MEGF8: variants seen among roughly 807,000 people sequenced by gnomAD.
The protein encoded by MEGF8 is multiple EGF like domains 8, also known as multiple epidermal growth factor-like domains protein 8.
A neutral mutation model predicts 302.9 loss-of-function variants in MEGF8; 156 were observed. That is an observed-to-expected ratio of 0.52 (90% CI 0.45 to 0.59). The LOEUF (loss-of-function observed/expected upper bound fraction) is 0.59, where lower values mean the gene tolerates loss of function less well. Among genes scored for constraint, MEGF8 ranks in the 20% least tolerant of loss-of-function variants. The probability of loss-of-function intolerance (pLI) is 0.00; values close to 1 mark genes in which losing one functional copy is unlikely to be tolerated. For synonymous variants in MEGF8, 1,621 were observed against 1,660.5 expected (o/e 0.98, Z 0.58); for missense variants, 3,345 against 3,964.5 (o/e 0.84, Z 4.20).
Position 42,363,032 on chromosome 19 carries a change from C to T in MEGF8, c.6059-16C>T, listed in dbSNP as rs760323076. The T allele has an allele frequency of 3.1e-5, 49 of 1,606,048 alleles. No individual in the cohort carries two copies. The Middle Eastern group carries it at 1.0e-3, about 34-fold the overall frequency. Reference sequence around the variant, plus strand: ...CTCCTGGGTCTGAGGTTCTAATCCCCGTGCCCCACCCCCAGGGGAGACCCG... The same window carrying T: ...CTCCTGGGTCTGAGGTTCTAATCCCTGTGCCCCACCCCCAGGGGAGACCCG... On this transcript the variant is annotated splice_polypyrimidine_tract_variant and intron_variant, in intron 34 of 41. Transcript: ENST00000251268.
Position 42,352,861 on chromosome 19 carries a change from A to G in MEGF8, c.3351-67A>G. The G allele has an allele frequency of 8.4e-7, 1 of 1,184,834 alleles. No individual in the cohort carries two copies. Among genetic ancestry groups the G allele is most frequent in the Non-Finnish European group, 1.2e-6 (1 of 823,778 alleles). The allele number at this position is 1,184,834 out of a possible 1,614,324, so 73.4% of individuals were successfully genotyped here. A position where few individuals can be genotyped will look rare whatever the true frequency, so the allele number is the denominator to read the frequency against. On this transcript the variant is annotated intron_variant, in intron 19 of 41. Transcript: ENST00000251268. The surrounding 1 kb of genome is among the most constrained non-coding windows in gnomAD (Gnocchi z 4.4). ...TTTGATGGTGTCATGGTGGGTGGAGATGATGGGGTGCTTTAGGGGCTCTGG... is the reference window on the plus strand; with the variant it reads ...TTTGATGGTGTCATGGTGGGTGGAGGTGATGGGGTGCTTTAGGGGCTCTGG...
In MEGF8 at chr19:42,351,263, G is replaced by T. The variant is rs750686408; in HGVS notation, c.2784G>T (p.Ala928=). Residue 928 remains alanine, a synonymous_variant, in exon 16 of 42, where the codon GCG becomes GCT. Coordinates refer to ENST00000251268, the MANE Select transcript of MEGF8 (RefSeq NM_001271938.2). This position sits in a 1 kb window ranked among gnomAD's most constrained non-coding sequence, Gnocchi z 5.6. ...AGAGCACCAGCCGCAAAGGGGACGC[G>T]GCATGCAGCCGGCGGGGCCGGGGTC... is the stretch of plus-strand genomic sequence containing the variant. ...WHQSTSRKGD[A]ACSRRGRGRG... 4.4e-6 allele frequency: 7 copies of T among 1,573,340 alleles called. No homozygotes were observed. The highest frequency in any genetic ancestry group is 6.0e-6 in the Non-Finnish European group (7 of 1,159,150).
Position 42,326,220 on chromosome 19 carries a change from T to C in MEGF8, c.-24T>C. 1.3e-6 allele frequency: 2 copies of C among 1,486,696 alleles called. No homozygotes were observed. Among genetic ancestry groups the C allele is most frequent in the Non-Finnish European group, 1.8e-6 (2 of 1,127,418 alleles). 92.1% of individuals were successfully genotyped at this position (1,486,696 alleles called of 1,614,324 possible). On this transcript the variant is annotated 5_prime_UTR_variant, in exon 1 of 42. Transcript: ENST00000251268. ...AGGTTTTTACGGCCTGTCCCCGCTC[T>C]AAGGGTCAGTGCAGGAGGCGGCGAT...
At chr19:42,360,306 T>G (rs1331390120) in intron 31 of MEGF8, among the ~76,000 whole-genome samples, 1 of 151,908 alleles carries the variant, frequency 6.6e-6, no homozygotes, top group Non-Finnish European at 1.5e-5. Flanking sequence ...TTTTTTTTGC[T>G]TGCTGTCTAT....
Position 42,336,212 on chromosome 19 carries a change from C to T in MEGF8, c.1110C>T (p.Ser370=), listed in dbSNP as rs779740348. The change falls in exon 6 of 42, where the codon AGC becomes AGT. Residue 370 remains serine (S), a synonymous_variant. Transcript: ENST00000251268. The surrounding 1 kb of genome is among the most constrained non-coding windows in gnomAD (Gnocchi z 4.8). ...GCCTCTTCCGTTTCCGCCTTGACAGCACCAGCGGGGGCTATTGGGAGCAGG... is the reference window on the plus strand; with the variant it reads ...GCCTCTTCCGTTTCCGCCTTGACAGTACCAGCGGGGGCTATTGGGAGCAGG... The part of the protein sequence containing the change: ...SSGLFRFRLD[S]TSGGYWEQVI... 4.4e-5 allele frequency: 71 copies of T among 1,609,928 alleles called. No homozygotes were observed. Among genetic ancestry groups the T allele is most frequent in the East Asian group, 4.5e-5 (2 of 44,898 alleles).
In MEGF8 at chr19:42,359,232, C is replaced by T. The variant is rs763589986; in HGVS notation, c.5478C>T (p.Pro1826=). ...TCAACTGCAATGCCTGGCTTCTGCC[C>T]GACCTCACCCGTAAGTCCCCATTGT... ...YQVNCNAWLL[P]DLTRSASVGP... is the part of the protein sequence containing the mutation. Residue 1826 remains proline, a synonymous_variant, in exon 31 of 42, where the codon CCC becomes CCT. Coordinates refer to ENST00000251268, the MANE Select transcript of MEGF8 (RefSeq NM_001271938.2). 2.1e-5 allele frequency: 33 copies of T among 1,569,720 alleles called. No homozygotes were observed. The highest frequency in any genetic ancestry group is 2.1e-5 in the Non-Finnish European group (24 of 1,157,542).
intron 8 of MEGF8, among the ~76,000 whole-genome samples, chr19:42,342,373 T>C (rs1190134424): frequency 6.6e-6 from 1 of 152,214 alleles, no homozygotes; most frequent in Non-Finnish European, 1.5e-5. Context: ...GCACGGTGGC[T>C]CATGCCTGTA....
At chr19:42,373,753 C>G (rs1769075617) in intron 41 of MEGF8, among the ~76,000 whole-genome samples, 1 of 144,686 alleles carries the variant, frequency 6.9e-6, no homozygotes, top group African/African-American at 2.6e-5. Context: ...TACTCTGTCA[C>G]CCAGGCTAGA....
At chr19:42,338,401 G>A (rs188855409) in intron 8 of MEGF8, among the ~76,000 whole-genome samples, 102 of 152,188 alleles carry the variant, frequency 6.7e-4, no homozygotes, top group Non-Finnish European at 1.2e-3. Flanking sequence ...CACCACACCC[G>A]GCTAATCTTT....
chr19:42,370,044 TA>T, intron 38 of MEGF8, 144 bp from the exon 39 acceptor site: 1 of 943,292 alleles, frequency 1.1e-6, no homozygotes, highest in Non-Finnish European at 1.6e-6. Context: ...AGGCGGGGGC[TA>T]AATCCCGCTG....
intron 1 of MEGF8, among the ~76,000 whole-genome samples, chr19:42,331,545 G>A (rs75533776): frequency 0.012 from 1,796 of 152,152 alleles, 44 homozygotes; most frequent in African/African-American, 0.041. Flanking sequence ...CACTCTCCAC[G>A]ATATGTGGGC....
rs754073773 is a variant in MEGF8 at position 42,335,354 on chromosome 19, C to G, written c.797C>G (p.Thr266Ser). Reference protein sequence around the residue: ...DLVLYNFSANTWESWDLSPAP... With the variant: ...DLVLYNFSANSWESWDLSPAP... Reference sequence around the variant, plus strand: ...GTCCTATACAACTTCTCCGCCAACACCTGGGAGTCTTGGGACCTGAGTCCT... The same window carrying G: ...GTCCTATACAACTTCTCCGCCAACAGCTGGGAGTCTTGGGACCTGAGTCCT... The change falls in exon 5 of 42, where the codon ACC (threonine) becomes AGC (serine). Residue 266 changes from threonine (T) to serine (S), a missense_variant. Thr to Ser is a moderately conservative substitution (Grantham distance 58). Coordinates refer to ENST00000251268, the MANE Select transcript of MEGF8 (RefSeq NM_001271938.2). 3 of 1,614,030 alleles carry G rather than the reference C, an allele frequency of 1.9e-6. No individual in the cohort carries two copies. The highest frequency in any genetic ancestry group is 3.3e-5 in the Admixed American group (2 of 60,024).
intron 1 of MEGF8, among the ~76,000 whole-genome samples, chr19:42,327,783 G>C (rs968966946): frequency 6.6e-6 from 1 of 152,182 alleles, no homozygotes; most frequent in African/African-American, 2.4e-5. Context: ...TGAAGAACTA[G>C]AAATCCAGTG....
Position 42,362,143 on chromosome 19 carries a change from G to A in MEGF8, c.5774G>A (p.Cys1925Tyr). 1 of 1,612,184 alleles carries A rather than the reference G, an allele frequency of 6.2e-7. No homozygotes were observed. The highest frequency in any genetic ancestry group is 8.5e-7 in the Non-Finnish European group (1 of 1,179,466). Reference sequence around the variant, plus strand: ...CCAATGCCTCGCTCCCCGGAGGAATGTCGACGTCTCCGGACCTGCAGTGAG... The same window carrying A: ...CCAATGCCTCGCTCCCCGGAGGAATATCGACGTCTCCGGACCTGCAGTGAG... The part of the protein sequence containing the change: ...CSPMPRSPEE[C>Y]RRLRTCSECL... The change falls in exon 33 of 42, where the codon TGT becomes TAT. Residue 1925 changes from cysteine (C) to tyrosine (Y), a missense_variant. Coordinates refer to ENST00000251268, the MANE Select transcript of MEGF8 (RefSeq NM_001271938.2).
chr19:42,351,418 C>T lies in MEGF8; in HGVS notation c.2856-11C>T, dbSNP rs752792233. 2.5e-6 allele frequency: 4 copies of T among 1,589,058 alleles called. No homozygotes were observed. The African/African-American group carries it at 5.4e-5, about 21-fold the overall frequency. ...CTGTGGAGTGACCTGGCCCCCTGCTCCCCACCCCAGGCGACTGACCTGTGA... is the reference window on the plus strand; with the variant it reads ...CTGTGGAGTGACCTGGCCCCCTGCTTCCCACCCCAGGCGACTGACCTGTGA... On this transcript the variant is annotated splice_polypyrimidine_tract_variant and intron_variant, in intron 16 of 41. Transcript: ENST00000251268. The surrounding 1 kb of genome is among the most constrained non-coding windows in gnomAD (Gnocchi z 5.6).
chr19:42,337,291 G>A (rs1568557948), intron 8 of MEGF8, 85 bp downstream of exon 8: 7 of 1,577,958 alleles, frequency 4.4e-6, no homozygotes, highest in Non-Finnish European at 5.2e-6. Context: ...ACCTCAGTCC[G>A]TAAGGGTGAG....
rs976330580 is a variant in MEGF8 at position 42,368,018 on chromosome 19, C to A, written c.6274-437C>A. ...CTCATTGCAGCCTCAAACTCCCGGG[C>A]TCAAAAAATCCTACCTCAGCCCCCC... is the stretch of plus-strand genomic sequence containing the variant. On this transcript the variant is annotated intron_variant, in intron 35 of 41. Coordinates refer to ENST00000251268, the MANE Select transcript of MEGF8 (RefSeq NM_001271938.2). The surrounding 1 kb of genome is among the most constrained non-coding windows in gnomAD (Gnocchi z 4.9). 2.0e-5 allele frequency among the ~76,000 whole-genome samples: 3 copies of A among 152,110 alleles called. No individual in the cohort carries two copies. The highest frequency in any genetic ancestry group is 7.2e-5 in the African/African-American group (3 of 41,400).
intron 32 of MEGF8, 139 bp downstream of exon 32, chr19:42,361,145 C>A: frequency 2.3e-6 from 2 of 884,918 alleles, no homozygotes; most frequent in Non-Finnish European, 3.2e-6. Context: ...GCAGGGTGGC[C>A]GGGGGAGCTC....
chr19:42,348,209 G>C (rs1173832152), intron 12 of MEGF8, 63 bp from the exon 13 acceptor site: 3 of 1,423,926 alleles, frequency 2.1e-6, no homozygotes, highest in Non-Finnish European at 2.8e-6. Context: ...GTCTTTTCTG[G>C]CTCTGATGTG....
Sources: allele counts gnomAD v4.1 joint callset (sites outside exome capture counted in the v4.1 genomes callset), GRCh38; gene constraint gnomAD v4.1.1; non-coding constraint Gnocchi (gnomAD v3.1); transcripts MANE v1.5; gene names NCBI Gene and HGNC (gene_info 2026-07-23, HGNC 2026-07-21).